The following LTBP2 variants were observed in gnomAD, a reference collection of about 807,000 sequenced individuals.
LTBP2 encodes latent transforming growth factor beta binding protein 2, also known as latent-transforming growth factor beta-binding protein 2.
A neutral mutation model predicts 210.6 loss-of-function variants in LTBP2; 103 were observed. The ratio of observed to expected loss-of-function variants is 0.49; its 90% CI spans 0.42 to 0.58. LTBP2 has a LOEUF of 0.58. Ranked by LOEUF, LTBP2 falls within the 20% of genes least tolerant of loss-of-function variation. The probability of loss-of-function intolerance (pLI) is 0.00; values close to 1 mark genes in which losing one functional copy is unlikely to be tolerated. For missense variants in LTBP2, 2,313 were observed against 2,494.5 expected (o/e 0.93, Z 1.55); for synonymous variants, 1,007 against 1,015.0 (o/e 0.99, Z 0.15).
chr14:74,573,469 G>A (rs747901177), intron 3 of LTBP2, among the ~76,000 whole-genome samples: 1 of 152,224 alleles, frequency 6.6e-6, no homozygotes, highest in Non-Finnish European at 1.5e-5. Context: ...AGGGTGAGTG[G>A]AGGTGCAGAT....
At chr14:74,501,332 G>T in intron 35 of LTBP2, 109 bp downstream of exon 35, 1 of 1,510,942 alleles carries the variant, frequency 6.6e-7, no homozygotes, top group Non-Finnish European at 9.2e-7. Flanking sequence ...CCAGCCTGAT[G>T]CAGACAGCCC....
chr14:74,608,968 A>C (rs1477225144), intron 1 of LTBP2, among the ~76,000 whole-genome samples: 1 of 152,186 alleles, frequency 6.6e-6, no homozygotes, highest in Non-Finnish European at 1.5e-5. Flanking sequence ...CTCAAGATCC[A>C]GTATAGGGCC....
At chr14:74,504,611 C>T (rs1485140635) in intron 30 of LTBP2, among the ~76,000 whole-genome samples, 167 bp downstream of exon 30, 1 of 152,188 alleles carries the variant, frequency 6.6e-6, no homozygotes, top group Non-Finnish European at 1.5e-5. Flanking sequence ...CAGCTTGAGT[C>T]AGAACTTCCA....
intron 14 of LTBP2, 23 bp from the exon 15 acceptor site, chr14:74,525,248 G>C: frequency 7.8e-7 from 1 of 1,286,364 alleles, no homozygotes; most frequent in Non-Finnish European, 1.0e-6. Flanking sequence ...GAGGGGAAGA[G>C]GTGGGGTTGT....
chr14:74,602,995 T>C (rs1467005173), intron 2 of LTBP2, among the ~76,000 whole-genome samples: 1 of 152,280 alleles, frequency 6.6e-6, no homozygotes, highest in African/African-American at 2.4e-5. Context: ...CTGCAGAACA[T>C]AGGTGCATGC....
chr14:74,580,840 T>G (rs2088126633), intron 3 of LTBP2, among the ~76,000 whole-genome samples: 2 of 152,098 alleles, frequency 1.3e-5, no homozygotes, highest in Non-Finnish European at 2.9e-5. Flanking sequence ...ACACCTGTAG[T>G]CTCAGCTACT....
At chr14:74,534,143 A>C (rs1278493149) in intron 9 of LTBP2, among the ~76,000 whole-genome samples, 6 of 152,180 alleles carry the variant, frequency 3.9e-5, no homozygotes, top group African/African-American at 1.4e-4. Flanking sequence ...GCAGTGATCC[A>C]TATGCATCCA....
Position 74,563,279 on chromosome 14 carries a change from A to G in LTBP2, c.831-7586T>C, listed in dbSNP as rs147950039. On this transcript the variant is annotated intron_variant, in intron 3 of 35. Coordinates refer to ENST00000261978, the MANE Select transcript of LTBP2 (RefSeq NM_000428.3). ...GCATTTCCCCCGCAAAATCACACAC[A>G]CTGGAATCCCACCTCTAGGGGACCC... 1.3e-4 allele frequency among the ~76,000 whole-genome samples: 20 copies of G among 152,270 alleles called. No individual in the cohort carries two copies. In the East Asian group the frequency reaches 3.5e-3, roughly 26 times the overall value.
intron 7 of LTBP2, 113 bp from the exon 8 acceptor site, chr14:74,550,078 AG>A (rs2087631210): frequency 2.7e-6 from 2 of 745,692 alleles, no homozygotes; most frequent in African/African-American, 1.7e-5. Flanking sequence ...ATTCTGCCAG[AG>A]GATGTCCCCA....
chr14:74,565,719 G>T (rs911232976), intron 3 of LTBP2, among the ~76,000 whole-genome samples: 2 of 152,168 alleles, frequency 1.3e-5, no homozygotes, highest in African/African-American at 4.8e-5. Context: ...GGTTGTAAGA[G>T]TAGAGGTGGT....
Position 74,551,259 on chromosome 14 carries a change from C to T in LTBP2, c.1491G>A (p.Gly497=), listed in dbSNP as rs1380798461. ...TGTTCTCCACTAGGGCCTCCTCCAC[C>T]CCGCCCCGCACCTGGGCCACCTGGT... The part of the protein sequence containing the change: ...QIHQVAQVRG[G]VEEALVENSV... The change falls in exon 7 of 36, where the codon GGG becomes GGA. Residue 497 remains glycine, a synonymous_variant. Transcript: ENST00000261978. The T allele has an allele frequency of 6.2e-7, 1 of 1,611,000 alleles. No individual in the cohort carries two copies. The highest frequency in any genetic ancestry group is 2.2e-5 in the East Asian group (1 of 44,798).
At chr14:74,601,637 A>G (rs922250002) in intron 2 of LTBP2, among the ~76,000 whole-genome samples, 1 of 152,218 alleles carries the variant, frequency 6.6e-6, no homozygotes, top group Non-Finnish European at 1.5e-5. Flanking sequence ...GCAGAGGGTC[A>G]GGGCCACGAG....
In LTBP2 at chr14:74,503,028, C is replaced by T. The variant is rs1463818400; in HGVS notation, c.4889-94G>A. 4 of 1,541,824 alleles carry T rather than the reference C, an allele frequency of 2.6e-6. No individual in the cohort carries two copies. In the African/African-American group the frequency reaches 5.4e-5, roughly 21 times the overall value. ...CTCTGGGAGCATGCAAGGACTGGTACCCTCTGGGAGATCCTGGCAACATTC... is the reference window on the plus strand; with the variant it reads ...CTCTGGGAGCATGCAAGGACTGGTATCCTCTGGGAGATCCTGGCAACATTC... On this transcript the variant is annotated intron_variant, in intron 33 of 35. Coordinates refer to ENST00000261978, the MANE Select transcript of LTBP2 (RefSeq NM_000428.3).
chr14:74,552,805 C>T (rs1191170306), intron 5 of LTBP2, 87 bp downstream of exon 5: 22 of 1,487,756 alleles, frequency 1.5e-5, no homozygotes, highest in African/African-American at 1.1e-4. Context: ...TTGGGAGCAG[C>T]GGGCTCCAGT....
chr14:74,503,419 C>G, intron 32 of LTBP2, 33 bp from the exon 33 acceptor site: 1 of 1,610,030 alleles, frequency 6.2e-7, no homozygotes, highest in Non-Finnish European at 8.5e-7. Context: ...CACATGAGCC[C>G]CCCAGCCCAG....
intron 3 of LTBP2, among the ~76,000 whole-genome samples, chr14:74,558,242 AAAATT>A (rs1481870451): frequency 2.0e-5 from 3 of 152,152 alleles, no homozygotes; most frequent in Non-Finnish European, 4.4e-5. Flanking sequence ...AAAAAACACA[AAAATT>A]AGCCGGGCTT....
rs542354241 is a variant in LTBP2, at chr14:74,498,878, A to G, written c.*2006T>C. 4.4e-6 allele frequency: 1 copy of G among 227,382 alleles called. No individual in the cohort carries two copies. Among genetic ancestry groups the G allele is most frequent in the Admixed American group, 5.7e-5 (1 of 17,630 alleles). The allele number at this position is 227,382 out of a possible 1,614,324, so 14.1% of individuals were successfully genotyped here. On this transcript the variant is annotated 3_prime_UTR_variant, in exon 36 of 36. Coordinates refer to ENST00000261978, the MANE Select transcript of LTBP2 (RefSeq NM_000428.3). Reference sequence around the variant, plus strand: ...TTTGGATATCTTTCTTAAGGAATTTAGAGCCACCTTTTTTAAGGGTTCCAT... The same window carrying G: ...TTTGGATATCTTTCTTAAGGAATTTGGAGCCACCTTTTTTAAGGGTTCCAT...
chr14:74,549,573 G>C (rs965958731), intron 8 of LTBP2, among the ~76,000 whole-genome samples: 2 of 152,256 alleles, frequency 1.3e-5, no homozygotes, highest in African/African-American at 4.8e-5. Flanking sequence ...GGGGTGTGCA[G>C]GGGAACACTG....
intron 2 of LTBP2, among the ~76,000 whole-genome samples, chr14:74,588,609 T>G (rs1365144272): frequency 6.6e-6 from 1 of 152,202 alleles, no homozygotes; most frequent in African/African-American, 2.4e-5. Flanking sequence ...CTTACACCTC[T>G]TTGTAACTTT....
Sources: gnomAD v4.1 joint callset for allele counts (sites outside exome capture counted in the v4.1 genomes callset) on GRCh38, gnomAD v4.1.1 for gene constraint, MANE v1.5 for transcripts, NCBI Gene and HGNC (gene_info 2026-07-23, HGNC 2026-07-21) for gene names.